TMEM168: variants seen among roughly 807,000 people sequenced by gnomAD.
The protein encoded by TMEM168 is transmembrane protein 168.
TMEM168 carries 40 observed loss-of-function variants against 53.2 expected under a neutral mutation model. The observed-to-expected ratio is 0.75, with a 90% CI of 0.58 to 0.98. TMEM168 has a LOEUF of 0.98. Ranked by LOEUF, TMEM168 falls within the 50% of genes least tolerant of loss-of-function variation. TMEM168 has a pLI of 0.00. For missense variants in TMEM168, 771 were observed against 828.8 expected (o/e 0.93, Z 0.86); for synonymous variants, 282 against 293.0 (o/e 0.96, Z 0.38).
In TMEM168 at chr7:112,763,449, C is replaced by T. The variant is rs886513179; in HGVS notation, c.*3748G>A. 3.3e-5 allele frequency: 5 copies of T among 152,058 alleles called. No individual in the cohort carries two copies. Among genetic ancestry groups the T allele is most frequent in the Admixed American group, 6.6e-5 (1 of 15,256 alleles). 9.4% of individuals were successfully genotyped at this position (152,058 alleles called of 1,614,324 possible). A position where few individuals can be genotyped will look rare whatever the true frequency, so the allele number is the denominator to read the frequency against. On this transcript the variant is annotated 3_prime_UTR_variant, in exon 5 of 5. Transcript: ENST00000312814. ...CTCATTACGGACAAGGCACTCTTCTCGGTAACTGTGTACCAGAAATACCAA... is the reference window on the plus strand; with the variant it reads ...CTCATTACGGACAAGGCACTCTTCTTGGTAACTGTGTACCAGAAATACCAA...
chr7:112,780,698 C>T (rs1793203320), intron 2 of TMEM168, among the ~76,000 whole-genome samples: 1 of 152,100 alleles, frequency 6.6e-6, no homozygotes, highest in South Asian at 2.1e-4. Context: ...TACTCTAGCC[C>T]ACACTGCAGA....
chr7:112,785,869 T>C (rs1244651358), intron 1 of TMEM168, among the ~76,000 whole-genome samples: 1 of 152,182 alleles, frequency 6.6e-6, no homozygotes, highest in Non-Finnish European at 1.5e-5. Flanking sequence ...AACTGATCAA[T>C]GGTTCACGGT....
rs1180413242 is a variant in TMEM168, at chr7:112,775,215, G to A, written c.1232C>T (p.Ser411Phe). ...GGGAATCACAATAGCATATCCAACA[G>A]ATGTTCCTCCTAAACAGTTACCCAA... ...HELGNCLGGT[S>F]VGYAIVIPTN... The change falls in exon 3 of 5, where the codon TCT becomes TTT. Residue 411 changes from serine (S) to phenylalanine (F), a missense_variant. Coordinates refer to ENST00000312814, the MANE Select transcript of TMEM168 (RefSeq NM_022484.6). The A allele has an allele frequency of 4.3e-6, 7 of 1,613,468 alleles. No individual in the cohort carries two copies. Among genetic ancestry groups the A allele is most frequent in the Non-Finnish European group, 5.9e-6 (7 of 1,179,756 alleles).
rs1042731321 is a variant in TMEM168, at chr7:112,767,037, G to A, written c.*160C>T. The A allele has an allele frequency of 4.0e-5, 28 of 704,454 alleles. No homozygotes were observed. The highest frequency in any genetic ancestry group is 5.4e-5 in the African/African-American group (3 of 55,442). The allele number at this position is 704,454 out of a possible 1,614,324, so 43.6% of individuals were successfully genotyped here. On this transcript the variant is annotated 3_prime_UTR_variant, in exon 5 of 5. Coordinates refer to ENST00000312814, the MANE Select transcript of TMEM168 (RefSeq NM_022484.6). ...TCATTATAAAATGTTTTTTCCCAAC[G>A]CCTTATATATACCATAATTACTTAA...
intron 4 of TMEM168, 104 bp from the exon 5 acceptor site, chr7:112,767,848 A>AAG: frequency 9.9e-7 from 1 of 1,010,690 alleles, no homozygotes; most frequent in Non-Finnish European, 1.4e-6. Context: ...CTTGTTATAC[A>AAG]TGTATTTTCC....
At chr7:112,773,773 C>A (rs181774294) in intron 3 of TMEM168, among the ~76,000 whole-genome samples, 1 of 151,936 alleles carries the variant, frequency 6.6e-6, no homozygotes, top group Non-Finnish European at 1.5e-5. Context: ...GGATTTCTAT[C>A]GGGATTTTTG....
chr7:112,773,569 T>C (rs2116246337), intron 3 of TMEM168, among the ~76,000 whole-genome samples: 1 of 152,188 alleles, frequency 6.6e-6, no homozygotes, highest in Admixed American at 6.5e-5. Flanking sequence ...AATTATCTAT[T>C]AATAGGCATT....
intron 1 of TMEM168, among the ~76,000 whole-genome samples, chr7:112,786,166 G>C (rs1172362566): frequency 6.6e-6 from 1 of 152,060 alleles, no homozygotes; most frequent in Non-Finnish European, 1.5e-5. Context: ...CACGCCACTG[G>C]ACTCCAGCCT....
At position 112,772,836 on chromosome 7, in the gene TMEM168, C is replaced by G. The variant is rs141029094; in HGVS notation, c.1491G>C (p.Thr497=). The change falls in exon 4 of 5, where the codon ACG becomes ACC. Residue 497 remains threonine (T), a synonymous_variant. Coordinates refer to ENST00000312814, the MANE Select transcript of TMEM168 (RefSeq NM_022484.6). ...LRTVDGPRHD[T]YILYYSGHTH... is the part of the protein sequence containing the mutation. The stretch of plus-strand genomic sequence containing the variant: ...TGTGCCCACTGTAATACAAAATATA[C>G]GTATCATGTCTGGGTCCATCCACTG... 4.3e-6 allele frequency: 7 copies of G among 1,613,878 alleles called. No homozygotes were observed. Among genetic ancestry groups the G allele is most frequent in the Non-Finnish European group, 5.9e-6 (7 of 1,179,944 alleles).
At chr7:112,770,060 C>T (rs560732302) in intron 4 of TMEM168, among the ~76,000 whole-genome samples, 2 of 152,256 alleles carry the variant, frequency 1.3e-5, no homozygotes, top group South Asian at 4.1e-4. Flanking sequence ...ACAAAAAATC[C>T]CCAACTATTA....
intron 1 of TMEM168, among the ~76,000 whole-genome samples, chr7:112,785,309 G>C (rs1291118297): frequency 6.6e-6 from 1 of 152,210 alleles, no homozygotes; most frequent in Non-Finnish European, 1.5e-5. Flanking sequence ...TGGTACAAGA[G>C]AAAGCTACTT....
chr7:112,782,355 A>G (rs1020840082), intron 2 of TMEM168, among the ~76,000 whole-genome samples: 27 of 152,206 alleles, frequency 1.8e-4, no homozygotes, highest in African/African-American at 6.5e-4. Flanking sequence ...TTGGAGACCA[A>G]GAAAATATTC....
At chr7:112,780,748 A>G (rs1793204760) in intron 2 of TMEM168, among the ~76,000 whole-genome samples, 2 of 152,118 alleles carry the variant, frequency 1.3e-5, no homozygotes, top group Non-Finnish European at 2.9e-5. Flanking sequence ...GGCTCAAAAG[A>G]CTACAATGTT....
At chr7:112,768,629 T>A (rs996937735) in intron 4 of TMEM168, among the ~76,000 whole-genome samples, 9 of 152,224 alleles carry the variant, frequency 5.9e-5, no homozygotes, top group African/African-American at 2.2e-4. Flanking sequence ...TTTTGATTTT[T>A]AAGTATACTA....
intron 4 of TMEM168, among the ~76,000 whole-genome samples, chr7:112,771,041 C>T (rs530015967): frequency 2.0e-5 from 3 of 152,170 alleles, no homozygotes; most frequent in East Asian, 1.9e-4. Context: ...ATACACAGAA[C>T]GTTATACTTT....
chr7:112,782,054 T>G (rs1161514887), intron 2 of TMEM168, among the ~76,000 whole-genome samples: 4 of 152,126 alleles, frequency 2.6e-5, no homozygotes, highest in African/African-American at 9.7e-5. Context: ...AACCTCAGCT[T>G]TAAAATGAGC....
chr7:112,775,386 A>G (rs903286414), intron 2 of TMEM168, 68 bp from the exon 3 acceptor site: 1 of 1,303,424 alleles, frequency 7.7e-7, no homozygotes, highest in Non-Finnish European at 1.0e-6. Context: ...ATGCATGCAC[A>G]TTGATTCACA....
intron 2 of TMEM168, among the ~76,000 whole-genome samples, chr7:112,781,372 A>C (rs1055323469): frequency 3.9e-5 from 6 of 152,180 alleles, no homozygotes; most frequent in Non-Finnish European, 8.8e-5. Context: ...GGCCTAAAAG[A>C]CTAAAATCAC....
At chr7:112,775,120 A>T in intron 3 of TMEM168, 56 bp downstream of exon 3, 1 of 1,397,618 alleles carries the variant, frequency 7.2e-7, no homozygotes, top group South Asian at 1.7e-5. Context: ...TCATATAAAT[A>T]TTAAGAAAAT....
Sources: allele counts gnomAD v4.1 joint callset (sites outside exome capture counted in the v4.1 genomes callset), GRCh38; gene constraint gnomAD v4.1.1; transcripts MANE v1.5; gene names NCBI Gene and HGNC (gene_info 2026-07-23, HGNC 2026-07-21).